CPOX: variants seen among roughly 807,000 people sequenced by gnomAD.
CPOX encodes the protein coproporphyrinogen oxidase, also known as oxygen-dependent coproporphyrinogen-III oxidase, mitochondrial.
CPOX carries 24 observed loss-of-function variants against 48.9 expected under a neutral mutation model. The observed-to-expected ratio is 0.49, with a 90% CI of 0.36 to 0.69. CPOX has a LOEUF of 0.69. Ranked by LOEUF, CPOX falls within the 30% of genes least tolerant of loss-of-function variation. The probability of loss-of-function intolerance (pLI) is 0.00; values close to 1 mark genes in which losing one functional copy is unlikely to be tolerated. For missense variants in CPOX, 549 were observed against 597.3 expected, an observed-to-expected ratio of 0.92 and a Z score of 0.84; for synonymous variants, 249 against 234.6, an observed-to-expected ratio of 1.06 and a Z score of -0.56.
In CPOX at chr3:98,580,611, A is replaced by T; in HGVS notation, c.*72T>A. 1 of 1,610,064 alleles carries T rather than the reference A, an allele frequency of 6.2e-7. No individual in the cohort carries two copies. ...CACGGGTAACTGCCACACAGTGGCA[A>T]AGTGCCGACCAGTGGCATGGGGAGC... On this transcript the variant is annotated 3_prime_UTR_variant, in exon 7 of 7. Coordinates refer to ENST00000647941, the MANE Select transcript of CPOX (RefSeq NM_000097.7).
At chr3:98,585,007 A>G (rs1229575503) in intron 5 of CPOX, among the ~76,000 whole-genome samples, 1 of 152,244 alleles carries the variant, frequency 6.6e-6, no homozygotes, top group African/African-American at 2.4e-5. Flanking sequence ...CATCAGATAC[A>G]AAATGCCTAA....
Position 98,593,111 on chromosome 3 carries a change from C to A in CPOX, c.394G>T (p.Ala132Ser). The A allele has an allele frequency of 1.2e-6, 2 of 1,613,556 alleles. No homozygotes were observed. The highest frequency in any genetic ancestry group is 4.5e-5 in the East Asian group (2 of 44,854). ...ELAHRCSSFM[A>S]PPVTDLGELR... ...TCGCCCAGGTCGGTCACAGGCGGGG[C>A]CATGAAGCTGCTGCAGCGGTGGGCC... The change falls in exon 1 of 7, where the codon GCC (alanine) becomes TCC (serine). Residue 132 changes from alanine (A) to serine (S), a missense_variant. Around this residue, in one of 2 missense-constraint regions of CPOX, gnomAD observed 336 missense variants for 318.1 expected, o/e 1.06. Coordinates refer to ENST00000647941, the MANE Select transcript of CPOX (RefSeq NM_000097.7).
At chr3:98,586,431 T>G (rs1208372503) in intron 4 of CPOX, among the ~76,000 whole-genome samples, 1 of 152,168 alleles carries the variant, frequency 6.6e-6, no homozygotes, top group African/African-American at 2.4e-5. Context: ...GAAGGTACTA[T>G]AAACAATCTC....
At chr3:98,584,064 A>G (rs1439525318) in intron 5 of CPOX, among the ~76,000 whole-genome samples, 1 of 151,838 alleles carries the variant, frequency 6.6e-6, no homozygotes, top group Non-Finnish European at 1.5e-5. Context: ...CGATGTATAA[A>G]AAACAAAACA....
intron 4 of CPOX, among the ~76,000 whole-genome samples, chr3:98,586,805 G>A (rs964986846): frequency 2.0e-5 from 3 of 152,228 alleles, no homozygotes; most frequent in South Asian, 2.1e-4. Context: ...TTAGCCAGGC[G>A]TGGTGGTGGG....
chr3:98,589,347 A>G (rs527712087), intron 3 of CPOX, among the ~76,000 whole-genome samples: 2 of 151,884 alleles, frequency 1.3e-5, no homozygotes, highest in Non-Finnish European at 2.9e-5. Context: ...AAAACAAAAC[A>G]ACAAGAAAAA....
chr3:98,577,196 T>C (rs1707176058), downstream of CPOX, among the ~76,000 whole-genome samples: 2 of 152,228 alleles, frequency 1.3e-5, no homozygotes, highest in South Asian at 4.1e-4. Flanking sequence ...GGTCTGAGAC[T>C]GAAGTGCACA....
chr3:98,576,805 A>T (rs576183411), downstream of CPOX, among the ~76,000 whole-genome samples: 29 of 152,214 alleles, frequency 1.9e-4, no homozygotes, highest in Non-Finnish European at 1.3e-4. Flanking sequence ...TAAGACAGTT[A>T]TACAGACAAC....
At chr3:98,590,799 C>T in intron 2 of CPOX, 57 bp from the exon 3 acceptor site, 2 of 1,294,164 alleles carry the variant, frequency 1.5e-6, no homozygotes, top group Non-Finnish European at 1.1e-6. Flanking sequence ...TGCCTTGATA[C>T]AATTTCACTC....
chr3:98,572,885 A>G, the CPOX span, among the ~76,000 whole-genome samples: 2 of 152,332 alleles, frequency 1.3e-5, no homozygotes, highest in East Asian at 1.9e-4. Flanking sequence ...CAATTTTTCA[A>G]TTACAAGCTG....
At chr3:98,578,409 T>G (rs1447805013), downstream of CPOX, 1 of 166,168 alleles carries the variant, frequency 6.0e-6, no homozygotes, top group African/African-American at 2.4e-5. Context: ...CTGAGGTTGA[T>G]CTGAACATTT....
downstream of CPOX, among the ~76,000 whole-genome samples, chr3:98,577,971 A>T (rs1707187193): frequency 6.6e-6 from 1 of 152,318 alleles, no homozygotes; most frequent in East Asian, 1.9e-4. Context: ...TCTGCTGACT[A>T]GGAGGGTCAG....
rs183831183 is a variant in CPOX at position 98,582,681 on chromosome 3, C to T, written c.1173-1170G>A. On this transcript the variant is annotated intron_variant, in intron 5 of 6. Transcript: ENST00000647941. ...TAATTTTTTGTATTTTTAGTAGAGA[C>T]GAGGTCTCATAGTGTTAGCCAGGAT... Among the ~76,000 whole-genome samples, 5 of 152,104 alleles carry T rather than the reference C, an allele frequency of 3.3e-5. No individual in the cohort carries two copies. The East Asian group carries it at 9.7e-4, about 30-fold the overall frequency.
Position 98,580,763 on chromosome 3 carries a change from A to G in CPOX, c.1285T>C (p.Tyr429His). The change falls in exon 7 of 7, where the codon TAC (tyrosine) becomes CAC (histidine). Residue 429 changes from tyrosine (Y) to histidine (H), a missense_variant. Transcript: ENST00000647941. The part of the protein sequence containing the change: ...MSLPLTARWE[Y>H]MHSPSENSKE... ...GAATTCTCTGAGGGTGAATGCATGT[A>G]CTCCCATCTATGCATGTCCAAAACA... 1.2e-6 allele frequency: 2 copies of G among 1,614,070 alleles called. No homozygotes were observed. Among genetic ancestry groups the G allele is most frequent in the Non-Finnish European group, 1.7e-6 (2 of 1,179,952 alleles).
chr3:98,587,248 T>C (rs1707381816), intron 4 of CPOX, among the ~76,000 whole-genome samples: 1 of 152,120 alleles, frequency 6.6e-6, no homozygotes, highest in Non-Finnish European at 1.5e-5. Context: ...TTTATTAACA[T>C]AGTCTAAAAA....
chr3:98,593,582 A>T lies in CPOX; in HGVS notation c.-78T>A. 2 of 1,407,706 alleles carry T rather than the reference A, an allele frequency of 1.4e-6. No homozygotes were observed. Among genetic ancestry groups the T allele is most frequent in the Non-Finnish European group, 9.5e-7 (1 of 1,055,976 alleles). 87.2% of individuals were successfully genotyped at this position (1,407,706 alleles called of 1,614,324 possible). A position where few individuals can be genotyped will look rare whatever the true frequency, so the allele number is the denominator to read the frequency against. On this transcript the variant is annotated 5_prime_UTR_variant, in exon 1 of 7. Transcript: ENST00000647941. ...AGCCCCCCACCCAGACCCCCGGAGT[A>T]TTGAGCCGGCGAGCTGCACAGGCGG...
chr3:98,589,956 T>G (rs1707446124), intron 3 of CPOX, among the ~76,000 whole-genome samples: 1 of 152,242 alleles, frequency 6.6e-6, no homozygotes, highest in Admixed American at 6.5e-5. Context: ...AGCAAAGCTA[T>G]GCATATGTAA....
In CPOX at chr3:98,590,384, G is replaced by T. The variant is rs185826751; in HGVS notation, c.811+248C>A. On this transcript the variant is annotated intron_variant, in intron 3 of 6. Coordinates refer to ENST00000647941, the MANE Select transcript of CPOX (RefSeq NM_000097.7). ...GGCTGGTCTCAAACTCCTAACCTCA[G>T]GTGATCTGCCCACCTCAGCCTCCCA... The T allele has an allele frequency of 5.0e-5, 25 of 498,026 alleles. No homozygotes were observed. In the Admixed American group the frequency reaches 6.4e-4, roughly 13 times the overall value. The allele number at this position is 498,026 out of a possible 1,614,324, so 30.9% of individuals were successfully genotyped here.
At chr3:98,591,229 T>A in intron 1 of CPOX, 74 bp from the exon 2 acceptor site, 2 of 1,534,824 alleles carry the variant, frequency 1.3e-6, no homozygotes, top group Non-Finnish European at 9.0e-7. Context: ...TGCATGAAGA[T>A]GGTTATTTTC....
Sources: gnomAD v4.1 joint callset for allele counts (sites outside exome capture counted in the v4.1 genomes callset) on GRCh38, gnomAD v4.1.1 for gene constraint, gnomAD v4.1.1 regional missense constraint, MANE v1.5 for transcripts, NCBI Gene and HGNC (gene_info 2026-07-23, HGNC 2026-07-21) for gene names.